The following RFTN2 variants were observed in gnomAD, a reference collection of about 807,000 sequenced individuals.
RFTN2 encodes the protein raftlin family member 2, also known as raftlin-2.
Under a neutral mutation model 52.7 loss-of-function variants are expected in RFTN2, and 34 were observed. The ratio of observed to expected loss-of-function variants is 0.64; its 90% confidence interval spans 0.49 to 0.86. RFTN2 has a LOEUF of 0.86. Among genes scored for constraint, RFTN2 ranks in the 40% least tolerant of loss-of-function variants. The pLI, the probability that RFTN2 is intolerant of heterozygous loss-of-function variation, is 0.00. For synonymous variants in RFTN2, 203 were observed against 217.7 expected (o/e 0.93, Z 0.59); for missense variants, 536 against 600.1 (o/e 0.89, Z 1.12).
intron 5 of RFTN2, among the ~76,000 whole-genome samples, chr2:197,625,446 T>C (rs1321834303): frequency 6.6e-6 from 1 of 152,170 alleles, no homozygotes; most frequent in Non-Finnish European, 1.5e-5. Context: ...CTGTCATTTT[T>C]GGTATTCAAC....
rs116443970 is a variant in RFTN2, at chr2:197,663,418, G to A, written c.139+11902C>T. Among the ~76,000 whole-genome samples the A allele has an allele frequency of 9.1e-3, 1,392 of 152,294 alleles. 15 individuals are homozygous for A. Among genetic ancestry groups the A allele is most frequent in the African/African-American group, 0.032 (1,344 of 41,554 alleles). On this transcript the variant is annotated intron_variant, in intron 1 of 8. Coordinates refer to ENST00000295049, the MANE Select transcript of RFTN2 (RefSeq NM_144629.3). ...ATCATCTTTGTATGTTTGGTAGAAT[G>A]TGGTAGTGAATCTGTCCAGTTCTGT...
intron 7 of RFTN2, among the ~76,000 whole-genome samples, chr2:197,600,767 A>G (rs1177245969): frequency 6.6e-6 from 1 of 152,182 alleles, no homozygotes. Context: ...GCTGTTAGTT[A>G]AGTAAGTGAC....
At chr2:197,624,630 C>T (rs868069593) in intron 5 of RFTN2, among the ~76,000 whole-genome samples, 2 of 144,944 alleles carry the variant, frequency 1.4e-5, no homozygotes, top group South Asian at 4.4e-4. Flanking sequence ...AAGAAAGAGC[C>T]AATTGATGCA....
intron 8 of RFTN2, among the ~76,000 whole-genome samples, chr2:197,594,721 G>C (rs1310752110): frequency 2.0e-5 from 3 of 152,150 alleles, no homozygotes; most frequent in Non-Finnish European, 4.4e-5. Flanking sequence ...CTTTAATGTG[G>C]TTTCTAATTC....
intron 5 of RFTN2, among the ~76,000 whole-genome samples, chr2:197,620,003 T>C (rs915033680): frequency 6.6e-6 from 1 of 151,878 alleles, no homozygotes; most frequent in Non-Finnish European, 1.5e-5. Flanking sequence ...GGATGTGATC[T>C]TCATTTTGAA....
intron 1 of RFTN2, among the ~76,000 whole-genome samples, chr2:197,673,921 A>T (rs2089179979): frequency 1.3e-5 from 2 of 152,224 alleles, no homozygotes; most frequent in South Asian, 4.1e-4. Context: ...GGTTAAGGAG[A>T]GTATGTGTCT....
intron 5 of RFTN2, among the ~76,000 whole-genome samples, chr2:197,620,722 T>C (rs976309325): frequency 3.3e-5 from 5 of 152,094 alleles, no homozygotes; most frequent in Admixed American, 6.6e-5. Flanking sequence ...ATCCCAACAG[T>C]TTGGGAGGCC....
At chr2:197,581,870 A>T (rs2087516289) in intron 8 of RFTN2, among the ~76,000 whole-genome samples, 1 of 152,152 alleles carries the variant, frequency 6.6e-6, no homozygotes, top group Admixed American at 6.5e-5. Context: ...ACCATTATAT[A>T]AACTCACAAA....
intron 8 of RFTN2, among the ~76,000 whole-genome samples, chr2:197,587,514 C>G (rs2106176196): frequency 6.6e-6 from 1 of 152,002 alleles, no homozygotes; most frequent in African/African-American, 2.4e-5. Flanking sequence ...CCCCACTGAG[C>G]ACCTTGTGAC....
At chr2:197,584,287 T>C (rs1469221346) in intron 8 of RFTN2, among the ~76,000 whole-genome samples, 1 of 152,202 alleles carries the variant, frequency 6.6e-6, no homozygotes, top group African/African-American at 2.4e-5. Flanking sequence ...CTCCAGCACC[T>C]GTTGTTTCCT....
chr2:197,578,008 C>T (rs929443095), intron 8 of RFTN2, among the ~76,000 whole-genome samples: 13 of 152,130 alleles, frequency 8.5e-5, no homozygotes, highest in Admixed American at 6.5e-4. Flanking sequence ...TGAGCCACCG[C>T]GCCCAGCCAG....
At chr2:197,644,692 T>C (rs891715010) in intron 2 of RFTN2, among the ~76,000 whole-genome samples, 1 of 152,236 alleles carries the variant, frequency 6.6e-6, no homozygotes, top group African/African-American at 2.4e-5. Context: ...AGGGTACTGC[T>C]AAATCTGTCT....
At chr2:197,637,703 T>A (rs1468179459) in intron 3 of RFTN2, among the ~76,000 whole-genome samples, 37 of 150,992 alleles carry the variant, frequency 2.5e-4, no homozygotes, top group Admixed American at 5.3e-4. Flanking sequence ...CTGGATTCAT[T>A]AATTTTTTGA....
chr2:197,669,536 G>A (rs1171219147), intron 1 of RFTN2, among the ~76,000 whole-genome samples: 1 of 152,194 alleles, frequency 6.6e-6, no homozygotes, highest in Non-Finnish European at 1.5e-5. Flanking sequence ...TTCTACAGAT[G>A]TGGGTGGGGA....
Position 197,633,916 on chromosome 2 carries a change from T to C in RFTN2, c.520A>G (p.Thr174Ala), listed in dbSNP as rs202136320. 4 of 1,613,588 alleles carry C rather than the reference T, an allele frequency of 2.5e-6. No homozygotes were observed. Residue 174 changes from threonine (T) to alanine (A), a missense_variant, in exon 4 of 9, where the codon ACC becomes GCC. By Grantham distance (58) the Thr-to-Ala change is moderately conservative (BLOSUM62 0). Transcript: ENST00000295049. The stretch of plus-strand genomic sequence containing the variant: ...GATTCTATATCTCCATCATGGTTGG[T>C]TCCATTGCAGAATTTAGATGGAGAA... The part of the protein sequence containing the change: ...HYSPSKFCNG[T>A]NHDGDIESML...
rs576528858 is a variant in RFTN2, at chr2:197,645,843, G to A, written c.323+640C>T. Reference sequence around the variant, plus strand: ...AGTTCGAGACCAGCCTGGTCAACATGGTGAAACCCCATCTGTACTAAAAAT... The same window carrying A: ...AGTTCGAGACCAGCCTGGTCAACATAGTGAAACCCCATCTGTACTAAAAAT... On this transcript the variant is annotated intron_variant, in intron 2 of 8. Coordinates refer to ENST00000295049, the MANE Select transcript of RFTN2 (RefSeq NM_144629.3). Among the ~76,000 whole-genome samples the A allele has an allele frequency of 2.2e-3, 329 of 152,226 alleles. 1 individual carries two copies. Among genetic ancestry groups the A allele is most frequent in the African/African-American group, 7.5e-3 (313 of 41,538 alleles).
At chr2:197,656,203 T>G (rs530674438) in intron 1 of RFTN2, among the ~76,000 whole-genome samples, 1 of 152,286 alleles carries the variant, frequency 6.6e-6, no homozygotes, top group South Asian at 2.1e-4. Flanking sequence ...CCTCCTTATA[T>G]GGTTGTTAGG....
chr2:197,600,473 C>G (rs905193994), intron 7 of RFTN2, among the ~76,000 whole-genome samples: 6 of 152,092 alleles, frequency 3.9e-5, no homozygotes, highest in Non-Finnish European at 8.8e-5. Context: ...AGCTGTGAGA[C>G]CATGTGGAAC....
At chr2:197,610,368 C>T (rs1384136328) in intron 7 of RFTN2, among the ~76,000 whole-genome samples, 2 of 152,138 alleles carry the variant, frequency 1.3e-5, no homozygotes, top group African/African-American at 4.8e-5. Flanking sequence ...ATTTTATTCT[C>T]TTTGTAGCAA....
Sources: allele counts gnomAD v4.1 joint callset (sites outside exome capture counted in the v4.1 genomes callset), GRCh38; gene constraint gnomAD v4.1.1; transcripts MANE v1.5; gene names NCBI Gene and HGNC (gene_info 2026-07-23, HGNC 2026-07-21).